The following RALGAPA2 variants were observed in gnomAD, a reference collection of about 807,000 sequenced individuals.
RALGAPA2 encodes ral GTPase-activating protein subunit alpha-2.
In RALGAPA2, 139 loss-of-function variants were observed where a neutral mutation model predicts 230.4. That is an observed-to-expected ratio of 0.60 (90% confidence interval 0.53 to 0.69). RALGAPA2 has a LOEUF of 0.69. Ranked by LOEUF, RALGAPA2 falls within the 30% of genes least tolerant of loss-of-function variation. The pLI is 0.00. For missense variants in RALGAPA2, 2,163 were observed against 2,276.0 expected (o/e 0.95, Z 1.01); for synonymous variants, 847 against 837.8 (o/e 1.01, Z -0.19).
chr20:20,585,581 G>T (rs1018617053), intron 18 of RALGAPA2, among the ~76,000 whole-genome samples: 1 of 152,136 alleles, frequency 6.6e-6, no homozygotes, highest in Non-Finnish European at 1.5e-5. Context: ...GCCTCTGAAG[G>T]GGATGCAGAA....
At chr20:20,459,805 CA>C (rs1569419152) in intron 37 of RALGAPA2, among the ~76,000 whole-genome samples, 1 of 152,334 alleles carries the variant, frequency 6.6e-6, no homozygotes, top group East Asian at 1.9e-4. Context: ...GAGAGGTACA[CA>C]AAAACGTGAA....
intron 3 of RALGAPA2, 90 bp downstream of exon 3, chr20:20,676,145 AT>A: frequency 1.1e-6 from 1 of 934,988 alleles, no homozygotes. Flanking sequence ...ACCAACAGCC[AT>A]TTTTATTTGT....
intron 12 of RALGAPA2, among the ~76,000 whole-genome samples, chr20:20,618,081 C>T (rs1022904400): frequency 3.3e-5 from 5 of 152,260 alleles, no homozygotes; most frequent in African/African-American, 9.6e-5. Context: ...CCATGTTACT[C>T]AAAGACCTGC....
At chr20:20,570,949 C>T (rs1428658612) in intron 23 of RALGAPA2, among the ~76,000 whole-genome samples, 7 of 152,196 alleles carry the variant, frequency 4.6e-5, no homozygotes, top group African/African-American at 9.7e-5. Flanking sequence ...CTCCTTGGGC[C>T]TTTCTGTTCG....
At chr20:20,652,133 T>G (rs1387602086) in intron 4 of RALGAPA2, among the ~76,000 whole-genome samples, 2 of 152,198 alleles carry the variant, frequency 1.3e-5, no homozygotes, top group African/African-American at 4.8e-5. Context: ...AACATATAAC[T>G]TCAAATAATT....
chr20:20,551,641 C>T (rs1455793856), intron 23 of RALGAPA2, among the ~76,000 whole-genome samples: 7 of 152,200 alleles, frequency 4.6e-5, no homozygotes, highest in Admixed American at 3.9e-4. Flanking sequence ...TCTATAAACA[C>T]AAACCATATT....
chr20:20,697,125 T>TCATTTAAA (rs2069144988), intron 1 of RALGAPA2, among the ~76,000 whole-genome samples: 1 of 152,226 alleles, frequency 6.6e-6, no homozygotes, highest in Non-Finnish European at 1.5e-5. Flanking sequence ...AGTCACTATA[T>TCATTTAAA]GTGGAATGAC....
chr20:20,521,381 C>A (rs779998025), intron 30 of RALGAPA2, among the ~76,000 whole-genome samples: 2 of 152,106 alleles, frequency 1.3e-5, no homozygotes, highest in Non-Finnish European at 2.9e-5. Flanking sequence ...CTCCTGTCCA[C>A]CAAAGGCGGC....
At chr20:20,491,596 A>G (rs1250916558) in intron 36 of RALGAPA2, among the ~76,000 whole-genome samples, 1 of 152,202 alleles carries the variant, frequency 6.6e-6, no homozygotes, top group East Asian at 1.9e-4. Flanking sequence ...TCTATGAATC[A>G]CTTTTCTGAA....
intron 38 of RALGAPA2, among the ~76,000 whole-genome samples, chr20:20,401,461 C>G (rs2059836041): frequency 1.3e-5 from 2 of 152,276 alleles, no homozygotes; most frequent in African/African-American, 2.4e-5. Context: ...TTTTCAGTGA[C>G]TTGTTTTCCC....
chr20:20,665,756 A>C (rs2067938619), intron 3 of RALGAPA2, among the ~76,000 whole-genome samples: 1 of 152,218 alleles, frequency 6.6e-6, no homozygotes, highest in Non-Finnish European at 1.5e-5. Flanking sequence ...GACATTTCAC[A>C]ATCAAAATCA....
intron 35 of RALGAPA2, among the ~76,000 whole-genome samples, chr20:20,495,704 A>G (rs541293877): frequency 6.6e-6 from 1 of 152,366 alleles, no homozygotes; most frequent in Admixed American, 6.5e-5. Context: ...GAATATGAAC[A>G]TAAGAGAACA....
At chr20:20,665,480 T>C (rs557953801) in intron 3 of RALGAPA2, among the ~76,000 whole-genome samples, 6 of 152,330 alleles carry the variant, frequency 3.9e-5, no homozygotes, top group Admixed American at 3.9e-4. Flanking sequence ...AACTGAGTAA[T>C]TTGGTATATC....
At chr20:20,511,035 G>A (rs1485934269) in intron 33 of RALGAPA2, among the ~76,000 whole-genome samples, 2 of 152,172 alleles carry the variant, frequency 1.3e-5, no homozygotes, top group Non-Finnish European at 2.9e-5. Context: ...TACAGATTAG[G>A]TGGGAGTGGT....
intron 31 of RALGAPA2, among the ~76,000 whole-genome samples, chr20:20,519,904 C>T (rs1289297039): frequency 6.6e-6 from 1 of 151,956 alleles, no homozygotes; most frequent in Admixed American, 6.5e-5. Flanking sequence ...TAGAGTCTCA[C>T]TCTGTCGCTC....
intron 9 of RALGAPA2, among the ~76,000 whole-genome samples, chr20:20,630,934 T>A (rs150420679): frequency 6.6e-6 from 1 of 151,514 alleles, no homozygotes; most frequent in Non-Finnish European, 1.5e-5. Context: ...AAAAAAAAAA[T>A]ATGCACATAG....
At position 20,505,410 on chromosome 20, in the gene RALGAPA2, C is replaced by T. The variant is rs1190228675; in HGVS notation, c.5052+1G>A. The T allele has an allele frequency of 1.3e-6, 2 of 1,596,474 alleles. No homozygotes were observed. The highest frequency in any genetic ancestry group is 1.7e-6 in the Non-Finnish European group (2 of 1,171,242). On this transcript the variant is annotated splice_donor_variant, in intron 34 of 39. Transcript: ENST00000202677. LOFTEE classifies it high-confidence loss of function. ...AACACCTACTGAATGAAATGCATTACCTCCCATCCAAGTCCAGCAACAAAG... is the reference window on the plus strand; with the variant it reads ...AACACCTACTGAATGAAATGCATTATCTCCCATCCAAGTCCAGCAACAAAG...
At chr20:20,569,163 G>A (rs890403644) in intron 23 of RALGAPA2, among the ~76,000 whole-genome samples, 1 of 152,068 alleles carries the variant, frequency 6.6e-6, no homozygotes, top group African/African-American at 2.4e-5. Context: ...TAGACGTGTG[G>A]ATCAAAAGTT....
At chr20:20,581,473 G>A (rs2064981477) in intron 20 of RALGAPA2, among the ~76,000 whole-genome samples, 1 of 152,108 alleles carries the variant, frequency 6.6e-6, no homozygotes, top group Non-Finnish European at 1.5e-5. Flanking sequence ...ACATAGCACT[G>A]CACGTTGAGT....
Sources: gnomAD v4.1 joint callset for allele counts (sites outside exome capture counted in the v4.1 genomes callset) on GRCh38, gnomAD v4.1.1 for gene constraint, MANE v1.5 for transcripts, NCBI Gene and HGNC (gene_info 2026-07-23, HGNC 2026-07-21) for gene names.